The following HEATR4 variants were observed in gnomAD, a reference collection of about 807,000 sequenced individuals.
The protein encoded by HEATR4 is HEAT repeat containing 4.
Under a neutral mutation model 108.8 loss-of-function variants are expected in HEATR4, and 95 were observed. That is an observed-to-expected ratio of 0.87 (90% confidence interval 0.74 to 1.04). HEATR4 has a LOEUF of 1.04. Ranked by LOEUF, HEATR4 falls within the 50% of genes least tolerant of loss-of-function variation. The pLI is 0.00. For missense variants in HEATR4, 1,152 were observed against 1,253.8 expected (o/e 0.92, Z 1.23); for synonymous variants, 443 against 459.4 (o/e 0.96, Z 0.46).
In HEATR4 at chr14:73,508,257, C is replaced by G; in HGVS notation, c.1758G>C (p.Leu586Phe). 2 of 1,613,990 alleles carry G rather than the reference C, an allele frequency of 1.2e-6. No homozygotes were observed. The highest frequency in any genetic ancestry group is 1.7e-6 in the Non-Finnish European group (2 of 1,179,968). The change falls in exon 9 of 18, where the codon TTG becomes TTC. Residue 586 changes from leucine (L) to phenylalanine (F), a missense_variant. Physicochemically the swap from Leu to Phe is conservative, Grantham distance 22. Coordinates refer to ENST00000553558, the MANE Select transcript of HEATR4 (RefSeq NM_001220484.1). ...GGTAAGTAGCAGTACCTTCCAGAGC[C>G]AAGCACTGAGCTGCAGCCCAGCTAT... Reference protein sequence around the residue: ...SVDSWAAAQCLALEGTATYPV... With the variant: ...SVDSWAAAQCFALEGTATYPV...
Position 73,539,078 on chromosome 14 carries a change from G to T in HEATR4, c.-151-8834C>A, listed in dbSNP as rs1363174029. ...AAGTCACTTTTTTTTTTAATAAAAA[G>T]AATTCCAACTGGTTTTCTCACTGTA... On this transcript the variant is annotated intron_variant, in intron 1 of 17. Coordinates refer to ENST00000553558, the MANE Select transcript of HEATR4 (RefSeq NM_001220484.1). 2 of 114,996 alleles carry T rather than the reference G, an allele frequency of 1.7e-5. 1 individual carries two copies. Among genetic ancestry groups the T allele is most frequent in the African/African-American group, 5.7e-5 (2 of 35,378 alleles). The allele number at this position is 114,996 out of a possible 1,614,324, so 7.1% of individuals were successfully genotyped here. A position where few individuals can be genotyped will look rare whatever the true frequency, so the allele number is the denominator to read the frequency against.
chr14:73,495,285 G>C lies in HEATR4; in HGVS notation c.2728C>G (p.Pro910Ala). 1 of 1,614,010 alleles carries C rather than the reference G, an allele frequency of 6.2e-7. No individual in the cohort carries two copies. The highest frequency in any genetic ancestry group is 1.1e-5 in the South Asian group (1 of 91,086). ...GTTAGTGGTCCTTGTTCTCCTTTGG[G>C]TTTCAAGTAAACACGTTTTGCTTCC... ...REEAKRVYLK[P>A]KGEQGPLTLQ... is the part of the protein sequence containing the mutation. Residue 910 changes from proline to alanine, a missense_variant, in exon 16 of 18, where the codon CCC becomes GCC. Transcript: ENST00000553558.
At chr14:73,507,784 C>T (rs1251964774) in intron 9 of HEATR4, among the ~76,000 whole-genome samples, 1 of 151,596 alleles carries the variant, frequency 6.6e-6, no homozygotes, top group African/African-American at 2.4e-5. Context: ...GCTCTGTCAC[C>T]TAGGCTGGAG....
Position 73,538,367 on chromosome 14 carries a change from A to T in HEATR4, c.-151-8123T>A, listed in dbSNP as rs1160226425. Among the ~76,000 whole-genome samples, 6 of 114,758 alleles carry T rather than the reference A, an allele frequency of 5.2e-5. 1 individual carries two copies. Among genetic ancestry groups the T allele is most frequent in the Non-Finnish European group, 1.1e-4 (6 of 52,790 alleles). The allele number at this position is 114,758 out of a possible 152,430, so 75.3% of individuals were successfully genotyped here. On this transcript the variant is annotated intron_variant, in intron 1 of 17. Transcript: ENST00000553558. ...GCTGGCTCACGCCTGTAATCCCAGC[A>T]CTTTGAGAAGCCGAGGCGGGCGGAT...
chr14:73,618,444 A>G, the HEATR4 span, among the ~76,000 whole-genome samples: 1 of 151,198 alleles, frequency 6.6e-6, no homozygotes, highest in Non-Finnish European at 1.5e-5. Context: ...CATATGTGTG[A>G]GAGGCCCCTT....
At chr14:73,566,874 A>G in the HEATR4 span, among the ~76,000 whole-genome samples, 96 of 152,108 alleles carry the variant, frequency 6.3e-4, 1 homozygote, top group African/African-American at 2.1e-3. Context: ...GCACGCTGTC[A>G]CCTCTCACAA....
chr14:73,570,784 A>G, the HEATR4 span, among the ~76,000 whole-genome samples: 1 of 151,072 alleles, frequency 6.6e-6, no homozygotes, highest in Non-Finnish European at 1.5e-5. Context: ...GCATGCCTGT[A>G]GTCCCAACTA....
At chr14:73,572,214 G>T in the HEATR4 span, among the ~76,000 whole-genome samples, 1,446 of 107,818 alleles carry the variant, frequency 0.013, 3 homozygotes, top group African/African-American at 0.054. Flanking sequence ...AAAGAGCAAA[G>T]TCAACTGGAA....
chr14:73,478,916 C>T, intron 17 of HEATR4, 74 bp from the exon 18 acceptor site: 1 of 1,125,986 alleles, frequency 8.9e-7, no homozygotes, highest in Non-Finnish European at 1.3e-6. Flanking sequence ...CAAGTGAAGG[C>T]CTCTTTGGCT....
At chr14:73,530,918 C>T (rs1254983219) in intron 1 of HEATR4, 1 of 100,526 alleles carries the variant, frequency 9.9e-6, no homozygotes, top group Non-Finnish European at 2.1e-5. Flanking sequence ...GGAATACAGG[C>T]ATGAGCCACT....
the HEATR4 span, among the ~76,000 whole-genome samples, chr14:73,608,459 C>G: frequency 6.6e-6 from 1 of 152,192 alleles, no homozygotes; most frequent in African/African-American, 2.4e-5. Flanking sequence ...CCATCTGAGA[C>G]CACCTCAGCC....
At chr14:73,569,713 G>T in the HEATR4 span, 19 of 1,609,152 alleles carry the variant, frequency 1.2e-5, no homozygotes, top group Non-Finnish European at 1.6e-5. Context: ...CTGGTGAAGC[G>T]CGACGTGCGA....
At chr14:73,632,313 T>C in the HEATR4 span, among the ~76,000 whole-genome samples, 2 of 152,154 alleles carry the variant, frequency 1.3e-5, no homozygotes, top group East Asian at 1.9e-4. Context: ...CAATACTTTC[T>C]TCACTGTGAA....
chr14:73,499,145 G>C lies in HEATR4; in HGVS notation c.2287-5C>G. ...GTTCAGGAGGCATTCAAGCACCTGG[G>C]ATGGAAAAGGCAGTGTTGAGTGGGG... is the stretch of plus-strand genomic sequence containing the variant. On this transcript the variant is annotated splice_polypyrimidine_tract_variant and splice_region_variant and intron_variant, in intron 12 of 17. Transcript: ENST00000553558. The C allele has an allele frequency of 3.1e-6, 5 of 1,613,792 alleles. No individual in the cohort carries two copies. The highest frequency in any genetic ancestry group is 4.2e-6 in the Non-Finnish European group (5 of 1,179,678).
At chr14:73,515,453 G>T (rs1287072167) in intron 5 of HEATR4, among the ~76,000 whole-genome samples, 1 of 152,012 alleles carries the variant, frequency 6.6e-6, no homozygotes, top group Non-Finnish European at 1.5e-5. Context: ...GCCAAAGCGG[G>T]TGGATCACTT....
chr14:73,569,578 G>A, the HEATR4 span: 8 of 1,599,824 alleles, frequency 5.0e-6, 1 homozygote, highest in Non-Finnish European at 6.8e-6. Flanking sequence ...GCCCACGCGC[G>A]CTACCGCGCC....
chr14:73,613,132 C>T, the HEATR4 span: 1 of 495,418 alleles, frequency 2.0e-6, no homozygotes, highest in Non-Finnish European at 3.5e-6. Flanking sequence ...CTTGTTCCTT[C>T]GCTCCAGAGT....
At chr14:73,575,038 C>A in the HEATR4 span, 10 of 1,583,696 alleles carry the variant, frequency 6.3e-6, no homozygotes, top group East Asian at 2.3e-5. Context: ...GTTGGGGGAA[C>A]CTTACACTAC....
chr14:73,508,435 CTTATT>C, intron 8 of HEATR4, 141 bp from the exon 9 acceptor site: 4 of 698,952 alleles, frequency 5.7e-6, no homozygotes, highest in African/African-American at 1.8e-5. Context: ...AATACAATTT[CTTATT>C]TAAACCATAT....
Sources: gnomAD v4.1 joint callset for allele counts (sites outside exome capture counted in the v4.1 genomes callset) on GRCh38, gnomAD v4.1.1 for gene constraint, MANE v1.5 for transcripts, NCBI Gene and HGNC (gene_info 2026-07-23, HGNC 2026-07-21) for gene names.